Variants in MAF observed in about 807,000 individuals in gnomAD.
The protein encoded by MAF is MAF bZIP transcription factor.
MAF carries 10 observed loss-of-function variants against 22.0 expected under a neutral mutation model. The observed-to-expected ratio is 0.45, with a 90% CI of 0.28 to 0.77. The LOEUF is 0.77. MAF is among the 30% of genes least tolerant of loss of function. The pLI is 0.12. For missense variants in MAF, 544 were observed against 548.4 expected (o/e 0.99, Z 0.08); for synonymous variants, 337 against 255.8 (o/e 1.32, Z -3.03).
the MAF span, among the ~76,000 whole-genome samples, chr16:79,275,484 A>G: frequency 6.6e-6 from 1 of 152,226 alleles, no homozygotes; most frequent in Non-Finnish European, 1.5e-5. Context: ...CTTCATAAAG[A>G]TGAGAAAACA....
chr16:79,589,115 T>G (rs1006884461), downstream of MAF, among the ~76,000 whole-genome samples: 6 of 152,148 alleles, frequency 3.9e-5, no homozygotes, highest in African/African-American at 9.7e-5. Context: ...TTTTAAGGTG[T>G]AACGATACTT....
chr16:79,359,359 T>C, the MAF span, among the ~76,000 whole-genome samples: 1 of 152,232 alleles, frequency 6.6e-6, no homozygotes, highest in Non-Finnish European at 1.5e-5. Context: ...CAGGAAATTC[T>C]AGGGCACAGC....
chr16:79,242,830 A>G, the MAF span, among the ~76,000 whole-genome samples: 887 of 152,156 alleles, frequency 5.8e-3, 15 homozygotes, highest in African/African-American at 0.02. Context: ...CAAATGCAAA[A>G]TAATGGAAAT....
chr16:79,524,467 G>A, the MAF span, among the ~76,000 whole-genome samples: 1 of 152,164 alleles, frequency 6.6e-6, no homozygotes, highest in African/African-American at 2.4e-5. Flanking sequence ...TGGGAGCTCG[G>A]CATGAGATCC....
chr16:79,297,705 T>A, the MAF span, among the ~76,000 whole-genome samples: 3 of 152,184 alleles, frequency 2.0e-5, no homozygotes, highest in African/African-American at 7.2e-5. Flanking sequence ...ATTATGATAA[T>A]AAAGTGGTCT....
the MAF span, among the ~76,000 whole-genome samples, chr16:79,208,028 C>G: frequency 6.6e-6 from 1 of 152,156 alleles, no homozygotes; most frequent in Non-Finnish European, 1.5e-5. Flanking sequence ...TTCTAAATCC[C>G]ACCTTTCTGT....
chr16:79,280,418 G>A, the MAF span, among the ~76,000 whole-genome samples: 68 of 152,194 alleles, frequency 4.5e-4, no homozygotes, highest in Non-Finnish European at 9.1e-4. Flanking sequence ...GCAAATACAT[G>A]TTCGCAACTA....
the MAF span, chr16:79,212,147 C>T: frequency 3.3e-6 from 5 of 1,514,600 alleles, 1 homozygote; most frequent in South Asian, 4.9e-5. Context: ...TCCCCTCGTC[C>T]CATCCAGCTA....
the MAF span, among the ~76,000 whole-genome samples, chr16:79,374,335 T>C: frequency 6.6e-6 from 1 of 152,204 alleles, no homozygotes; most frequent in Non-Finnish European, 1.5e-5. Context: ...TCTTACCTTC[T>C]GCATCCAACT....
chr16:79,522,788 G>A, the MAF span, among the ~76,000 whole-genome samples: 2 of 152,156 alleles, frequency 1.3e-5, no homozygotes, highest in African/African-American at 2.4e-5. Context: ...CTAATATCAC[G>A]AATGTTTTAA....
At chr16:79,255,125 C>A in the MAF span, among the ~76,000 whole-genome samples, 1 of 152,210 alleles carries the variant, frequency 6.6e-6, no homozygotes. Context: ...TGTCTCCTGG[C>A]TTCTTGTATC....
the MAF span, chr16:79,212,448 TAAC>T: frequency 7.5e-6 from 2 of 265,872 alleles, no homozygotes; most frequent in Non-Finnish European, 7.2e-6. Context: ...TTAGAGATTA[TAAC>T]AAATTTTTCA....
At chr16:79,284,988 G>A in the MAF span, among the ~76,000 whole-genome samples, 6 of 152,286 alleles carry the variant, frequency 3.9e-5, no homozygotes, top group East Asian at 1.9e-4. Flanking sequence ...AAATAGAAAC[G>A]TACGGCATCA....
the MAF span, among the ~76,000 whole-genome samples, chr16:79,500,499 T>A: frequency 6.6e-6 from 1 of 152,122 alleles, no homozygotes; most frequent in Non-Finnish European, 1.5e-5. Context: ...TCATGAAACT[T>A]CCTCTGTCCC....
At chr16:79,471,936 T>C in the MAF span, among the ~76,000 whole-genome samples, 2 of 152,186 alleles carry the variant, frequency 1.3e-5, no homozygotes, top group African/African-American at 4.8e-5. Flanking sequence ...CCTTGCTAAG[T>C]GCAGACATGC....
chr16:79,501,723 A>G, the MAF span, among the ~76,000 whole-genome samples: 6 of 152,178 alleles, frequency 3.9e-5, no homozygotes, highest in Non-Finnish European at 7.3e-5. Context: ...TTTACACGGC[A>G]TTCTTCCCCC....
At chr16:79,260,921 A>G in the MAF span, among the ~76,000 whole-genome samples, 1 of 152,184 alleles carries the variant, frequency 6.6e-6, no homozygotes, top group Non-Finnish European at 1.5e-5. Context: ...CCCAAGACAG[A>G]TACAACCAAA....
the MAF span, among the ~76,000 whole-genome samples, chr16:79,551,734 A>G: frequency 6.6e-6 from 1 of 152,216 alleles, no homozygotes; most frequent in Admixed American, 6.5e-5. Context: ...AATTAGATAA[A>G]GTTCAAATTT....
chr16:79,319,154 C>T, the MAF span, among the ~76,000 whole-genome samples: 1 of 152,150 alleles, frequency 6.6e-6, no homozygotes, highest in East Asian at 1.9e-4. Flanking sequence ...GAACTCTGGG[C>T]TGTGCCAGGT....
Sources: allele counts gnomAD v4.1 joint callset (sites outside exome capture counted in the v4.1 genomes callset), GRCh38; gene constraint gnomAD v4.1.1; transcripts MANE v1.5; gene names NCBI Gene and HGNC (gene_info 2026-07-23, HGNC 2026-07-21).